The following LRRC4C variants were observed in gnomAD, a reference collection of about 807,000 sequenced individuals.
LRRC4C encodes the protein leucine rich repeat containing 4C.
LRRC4C carries 5 observed loss-of-function variants against 33.6 expected under a neutral mutation model. That is an observed-to-expected ratio of 0.15 (90% CI 0.08 to 0.31). The LOEUF (loss-of-function observed/expected upper bound fraction) is 0.31, where lower values mean the gene tolerates loss of function less well. Ranked by LOEUF, LRRC4C falls within the 10% of genes least tolerant of loss-of-function variation. The pLI is 1.00. For missense variants in LRRC4C, 560 were observed against 796.7 expected (o/e 0.70, Z 3.58); for synonymous variants, 329 against 302.0 (o/e 1.09, Z -0.93).
In LRRC4C at chr11:40,421,698, A is replaced by G. The variant is rs116448238; in HGVS notation, c.-269-101977T>C. ...AAAATTTCCCTTTGAATTAAACACA[A>G]GGTCAGATAAAATAAGTCACTGTGA... On this transcript the variant is annotated intron_variant, in intron 3 of 6. Coordinates refer to ENST00000528697, the MANE Select transcript of LRRC4C (RefSeq NM_001258419.2). Among the ~76,000 whole-genome samples the G allele has an allele frequency of 9.5e-3, 1,446 of 152,292 alleles. 23 individuals carry two copies. The highest frequency in any genetic ancestry group is 0.033 in the African/African-American group (1,355 of 41,556).
intron 1 of LRRC4C, among the ~76,000 whole-genome samples, chr11:41,295,097 G>T (rs1555140263): frequency 6.6e-6 from 1 of 152,072 alleles, no homozygotes; most frequent in Non-Finnish European, 1.5e-5. Flanking sequence ...TCTATCATGA[G>T]AAACTAATTC....
chr11:40,283,905 G>C (rs1045898139), intron 4 of LRRC4C, among the ~76,000 whole-genome samples: 9 of 151,762 alleles, frequency 5.9e-5, no homozygotes, highest in African/African-American at 2.2e-4. Flanking sequence ...ATTTCTCCAT[G>C]TTGGTCAGGC....
chr11:40,298,351 T>C (rs1944613014), intron 4 of LRRC4C, among the ~76,000 whole-genome samples: 1 of 151,554 alleles, frequency 6.6e-6, no homozygotes, highest in Non-Finnish European at 1.5e-5. Context: ...GTGGCTCTTT[T>C]TGATCTTTTT....
At chr11:40,733,778 C>T (rs1947724375) in intron 2 of LRRC4C, among the ~76,000 whole-genome samples, 1 of 152,096 alleles carries the variant, frequency 6.6e-6, no homozygotes, top group Non-Finnish European at 1.5e-5. Context: ...ACTACCTGGC[C>T]CCTTCAAATA....
In LRRC4C at chr11:40,114,927, T is replaced by C. The variant is rs1280586214; in HGVS notation, c.1366A>G (p.Thr456Ala). The change falls in exon 7 of 7, where the codon ACC becomes GCC. Residue 456 changes from threonine to alanine, a missense_variant. This residue lies in a region of LRRC4C where 455 missense variants were observed against 643.8 expected (regional missense o/e 0.71). Transcript: ENST00000528697. ...GGTTCCATAGTCTCTACTGTGACGGTTGAAAAGTAAGAGAAAGGAGTAGTG... is the reference window on the plus strand; with the variant it reads ...GGTTCCATAGTCTCTACTGTGACGGCTGAAAAGTAAGAGAAAGGAGTAGTG... The part of the protein sequence containing the change: ...ATTTPFSYFS[T>A]VTVETMEPSQ... The C allele has an allele frequency of 3.7e-6, 6 of 1,614,120 alleles. No homozygotes were observed. Among genetic ancestry groups the C allele is most frequent in the Non-Finnish European group, 5.1e-6 (6 of 1,180,010 alleles).
At chr11:41,206,273 C>A (rs1946598023) in intron 1 of LRRC4C, among the ~76,000 whole-genome samples, 1 of 152,134 alleles carries the variant, frequency 6.6e-6, no homozygotes, top group African/African-American at 2.4e-5. Context: ...GATTGAAATG[C>A]CAAACTGAAT....
intron 1 of LRRC4C, among the ~76,000 whole-genome samples, chr11:41,449,164 C>A (rs987257418): frequency 6.6e-6 from 1 of 152,094 alleles, no homozygotes; most frequent in Non-Finnish European, 1.5e-5. Flanking sequence ...TACTTAAAAC[C>A]GTGTAAGTGT....
At chr11:41,241,782 A>C (rs545484785) in intron 1 of LRRC4C, among the ~76,000 whole-genome samples, 35 of 152,260 alleles carry the variant, frequency 2.3e-4, no homozygotes, top group Non-Finnish European at 4.3e-4. Flanking sequence ...CGACCGGTCT[A>C]TCTTTTGAAA....
intron 5 of LRRC4C, among the ~76,000 whole-genome samples, chr11:40,214,760 TTGTTTAAAC>T (rs1174355236): frequency 6.6e-6 from 1 of 152,148 alleles, no homozygotes; most frequent in African/African-American, 2.4e-5. Flanking sequence ...TTAATTTTTG[TTGTTTAAAC>T]CACCAAGTCT....
intron 1 of LRRC4C, among the ~76,000 whole-genome samples, chr11:41,368,043 T>C (rs1484924031): frequency 1.3e-5 from 2 of 152,286 alleles, no homozygotes; most frequent in Non-Finnish European, 2.9e-5. Context: ...ACTTTCAATG[T>C]GATAAGCCAA....
chr11:40,430,428 T>C (rs144457172), intron 3 of LRRC4C, among the ~76,000 whole-genome samples: 1,656 of 152,200 alleles, frequency 0.011, 32 homozygotes, highest in African/African-American at 0.038. Flanking sequence ...GAAAGAGTTA[T>C]TGACAAAAAC....
chr11:40,860,595 G>A (rs1344103688), intron 2 of LRRC4C, among the ~76,000 whole-genome samples: 1 of 151,936 alleles, frequency 6.6e-6, no homozygotes, highest in Non-Finnish European at 1.5e-5. Context: ...TTGTCACGGG[G>A]TGTACTACCA....
intron 2 of LRRC4C, among the ~76,000 whole-genome samples, chr11:40,824,467 A>G (rs1952074147): frequency 6.6e-6 from 1 of 151,906 alleles, no homozygotes; most frequent in South Asian, 2.1e-4. Flanking sequence ...AATAGGTAGC[A>G]GAAAAGGCAT....
intron 1 of LRRC4C, among the ~76,000 whole-genome samples, chr11:41,130,373 A>G (rs1447944956): frequency 6.6e-6 from 1 of 151,868 alleles, no homozygotes; most frequent in Non-Finnish European, 1.5e-5. Flanking sequence ...CTTCTAGTCT[A>G]TTTTAATTCA....
rs1855249646 is a variant in LRRC4C, at chr11:40,114,285, A to G, written c.*85T>C. ...TTTTGTAAAGACACTTTTTTGAAAC[A>G]GTAGATTTAGCCCAGTCATTTGTGT... On this transcript the variant is annotated 3_prime_UTR_variant, in exon 7 of 7. Transcript: ENST00000528697. 4 of 1,359,416 alleles carry G rather than the reference A, an allele frequency of 2.9e-6. No individual in the cohort carries two copies. The highest frequency in any genetic ancestry group is 3.9e-6 in the Non-Finnish European group (4 of 1,020,566). 84.2% of individuals were successfully genotyped at this position (1,359,416 alleles called of 1,614,324 possible).
At chr11:41,391,139 T>G (rs1254016331) in intron 1 of LRRC4C, among the ~76,000 whole-genome samples, 1 of 151,976 alleles carries the variant, frequency 6.6e-6, no homozygotes, top group East Asian at 1.9e-4. Context: ...ACTCTGGGGT[T>G]TGTGAGTATA....
chr11:40,980,024 G>T (rs1852396482), intron 1 of LRRC4C, among the ~76,000 whole-genome samples: 1 of 152,158 alleles, frequency 6.6e-6, no homozygotes, highest in Non-Finnish European at 1.5e-5. Context: ...ACAAAAGGAA[G>T]TCCCATCTGG....
At chr11:40,294,624 C>A (rs959188193) in intron 4 of LRRC4C, among the ~76,000 whole-genome samples, 1 of 151,924 alleles carries the variant, frequency 6.6e-6, no homozygotes, top group African/African-American at 2.4e-5. Flanking sequence ...GTCAGGAGAT[C>A]GAGACCAACC....
chr11:40,860,059 C>G (rs913518553), intron 2 of LRRC4C, among the ~76,000 whole-genome samples: 2 of 151,492 alleles, frequency 1.3e-5, no homozygotes, highest in South Asian at 4.2e-4. Context: ...GCACTCCAGC[C>G]TGGGTGACAG....
Sources: allele counts gnomAD v4.1 joint callset (sites outside exome capture counted in the v4.1 genomes callset), GRCh38; gene constraint gnomAD v4.1.1; regional missense constraint gnomAD v4.1.1; transcripts MANE v1.5; gene names NCBI Gene and HGNC (gene_info 2026-07-23, HGNC 2026-07-21).